Variants in VPS53 observed in about 807,000 individuals in gnomAD.
The protein encoded by VPS53 is vacuolar protein sorting-associated protein 53 homolog.
In VPS53, 70 loss-of-function variants were observed where a neutral mutation model predicts 107.0. That is an observed-to-expected ratio of 0.65 (90% CI 0.54 to 0.80). VPS53 has a LOEUF of 0.80. Among genes scored for constraint, VPS53 ranks in the 30% least tolerant of loss-of-function variants. VPS53 has a pLI of 0.00. For missense variants in VPS53, 917 were observed against 1,049.4 expected, an observed-to-expected ratio of 0.87 and a Z score of 1.74; for synonymous variants, 409 against 393.3, an observed-to-expected ratio of 1.04 and a Z score of -0.47.
At chr17:677,643 A>T (rs1972221871) in intron 4 of VPS53, among the ~76,000 whole-genome samples, 2 of 152,116 alleles carry the variant, frequency 1.3e-5, no homozygotes, top group African/African-American at 4.8e-5. Context: ...AAGGTTTAAA[A>T]AATAATGTAA....
intron 7 of VPS53, among the ~76,000 whole-genome samples, chr17:650,607 C>G (rs932167904): frequency 2.0e-5 from 3 of 152,180 alleles, no homozygotes; most frequent in Admixed American, 6.5e-5. Context: ...ACAACAATAT[C>G]AAGTGTTGCT....
intron 7 of VPS53, among the ~76,000 whole-genome samples, chr17:638,750 C>G (rs1168937112): frequency 6.6e-6 from 1 of 152,230 alleles, no homozygotes; most frequent in East Asian, 1.9e-4. Context: ...GGCCCCCACT[C>G]TCTTCTGGCT....
rs1908368929 is a variant in VPS53 at position 517,161 on chromosome 17, G to A, written c.*1967C>T. 2 of 298,124 alleles carry A rather than the reference G, an allele frequency of 6.7e-6. No homozygotes were observed. The highest frequency in any genetic ancestry group is 1.2e-5 in the Non-Finnish European group (2 of 163,366). The allele number at this position is 298,124 out of a possible 1,614,324, so 18.5% of individuals were successfully genotyped here. A position where few individuals can be genotyped will look rare whatever the true frequency, so the allele number is the denominator to read the frequency against. On this transcript the variant is annotated 3_prime_UTR_variant, in exon 22 of 22. Transcript: ENST00000437048. ...TACAGGGCTTCCTGGGGGCTCTCCC[G>A]ACTGCCGCCCCCCGCCCTTGTCTTA...
Position 518,935 on chromosome 17 carries a change from G to A in VPS53, c.*193C>T. 3.4e-6 allele frequency: 2 copies of A among 584,106 alleles called. No individual in the cohort carries two copies. Among genetic ancestry groups the A allele is most frequent in the South Asian group, 6.0e-5 (2 of 33,082 alleles). 36.2% of individuals were successfully genotyped at this position (584,106 alleles called of 1,614,324 possible). On this transcript the variant is annotated 3_prime_UTR_variant, in exon 22 of 22. Coordinates refer to ENST00000437048, the MANE Select transcript of VPS53 (RefSeq NM_001128159.3). ...ACCTAAATCGCCCTCTTAGAGCCCA[G>A]CCCTTACTCAGCGTCTCCGATTAGG...
In VPS53 at chr17:533,693, A is replaced by C. The variant is rs572440856; in HGVS notation, c.2016-782T>G. Among the ~76,000 whole-genome samples the C allele has an allele frequency of 4.6e-5, 7 of 152,214 alleles. No individual in the cohort carries two copies. The East Asian group carries it at 1.2e-3, about 25-fold the overall frequency. ...TCCACCCTCACATCTAACCTAGTTC[A>C]TTATGCTCATTTGCTTACATGTCTA... On this transcript the variant is annotated intron_variant, in intron 18 of 21. Coordinates refer to ENST00000437048, the MANE Select transcript of VPS53 (RefSeq NM_001128159.3).
chr17:565,551 T>C (rs1403776635), intron 13 of VPS53, among the ~76,000 whole-genome samples: 1 of 152,096 alleles, frequency 6.6e-6, no homozygotes, highest in African/African-American at 2.4e-5. Context: ...TCTCGTTGGT[T>C]GACCTCGGAA....
chr17:698,716 A>G (rs746901255), intron 3 of VPS53, among the ~76,000 whole-genome samples: 3 of 151,820 alleles, frequency 2.0e-5, no homozygotes, highest in Non-Finnish European at 4.4e-5. Context: ...AAAAAAACAG[A>G]AAAAAAGAAA....
At chr17:573,347 T>C (rs935166826) in intron 13 of VPS53, among the ~76,000 whole-genome samples, 2 of 152,260 alleles carry the variant, frequency 1.3e-5, no homozygotes, top group Non-Finnish European at 2.9e-5. Context: ...TAAGGACGGC[T>C]TAGCCCAACC....
intron 17 of VPS53, among the ~76,000 whole-genome samples, chr17:549,490 C>T (rs562670124): frequency 3.2e-4 from 49 of 151,210 alleles, no homozygotes; most frequent in African/African-American, 9.2e-4. Flanking sequence ...GAGGGTGGGA[C>T]GGGGCAGGGT....
intron 12 of VPS53, among the ~76,000 whole-genome samples, chr17:595,321 T>TC (rs1180401306): frequency 2.7e-5 from 1 of 37,512 alleles, no homozygotes; most frequent in African/African-American, 9.2e-5. Flanking sequence ...CACTCTAGTG[T>TC]CCCCCTGGAG....
rs749005826 is a variant in VPS53 at position 571,487 on chromosome 17, T to TTCTCCCTCTCCCTCTCCC, written c.1314-8760_1314-8743dup. 2.5e-3 allele frequency among the ~76,000 whole-genome samples: 305 copies of TTCTCCCTCTCCCTCTCCC among 119,808 alleles called. 6 individuals are homozygous for TTCTCCCTCTCCCTCTCCC. The East Asian group carries it at 0.055, about 22-fold the overall frequency. The allele number at this position is 119,808 out of a possible 152,430, so 78.6% of individuals were successfully genotyped here. ...CAATGGGCTCTCCCTCTCCCTCTCC[T>TTCTCCCTCTCCCTCTCCC]TCTCCCTCTCCCTCTCCCTACAGTC... On this transcript the variant is annotated intron_variant, in intron 13 of 21. Transcript: ENST00000437048.
intron 13 of VPS53, among the ~76,000 whole-genome samples, chr17:564,719 G>GA (rs71145752): frequency 2.7e-4 from 40 of 148,212 alleles, no homozygotes; most frequent in Middle Eastern, 3.4e-3. Flanking sequence ...TTGATATCTG[G>GA]AAAAAAAAAA....
intron 13 of VPS53, among the ~76,000 whole-genome samples, chr17:572,903 G>C (rs1914300170): frequency 6.6e-6 from 1 of 151,468 alleles, no homozygotes; most frequent in African/African-American, 2.4e-5. Context: ...GAAGGCCTCA[G>C]GGTCCTCTGC....
intron 2 of VPS53, chr17:706,120 G>A (rs575830529): frequency 6.6e-6 from 1 of 152,268 alleles, no homozygotes; most frequent in East Asian, 1.9e-4. Context: ...ATAACAAAGT[G>A]GAGTTTATCA....
At chr17:681,417 G>A (rs1208519075) in intron 4 of VPS53, among the ~76,000 whole-genome samples, 2 of 152,240 alleles carry the variant, frequency 1.3e-5, no homozygotes, top group South Asian at 2.1e-4. Flanking sequence ...TTCCAGGCGT[G>A]AGCCACTGCG....
At chr17:533,788 C>A (rs1021119987) in intron 18 of VPS53, among the ~76,000 whole-genome samples, 1 of 152,082 alleles carries the variant, frequency 6.6e-6, no homozygotes, top group African/African-American at 2.4e-5. Flanking sequence ...ACATTTAACT[C>A]TGGGTCTGAG....
chr17:560,379 A>T (rs757949692), intron 15 of VPS53, 47 bp downstream of exon 15: 1 of 1,589,876 alleles, frequency 6.3e-7, no homozygotes, highest in Non-Finnish European at 8.6e-7. Flanking sequence ...CGCAGCCCAG[A>T]GGGTTCAGGA....
Position 652,956 on chromosome 17 carries a change from T to C in VPS53, c.608+335A>G, listed in dbSNP as rs73281347. 2.7e-3 allele frequency among the ~76,000 whole-genome samples: 415 copies of C among 152,366 alleles called. 2 individuals are homozygous for C. Among genetic ancestry groups the C allele is most frequent in the African/African-American group, 9.5e-3 (394 of 41,576 alleles). ...TCCTTCACACACTAAGACTCTGCAG[T>C]GAACACGCTGAGCTAAGTGCTTAAG... On this transcript the variant is annotated intron_variant, in intron 7 of 21. Transcript: ENST00000437048.
At chr17:548,729 G>A (rs969399162) in intron 17 of VPS53, among the ~76,000 whole-genome samples, 1 of 152,254 alleles carries the variant, frequency 6.6e-6, no homozygotes, top group African/African-American at 2.4e-5. Flanking sequence ...TCTTAACTCT[G>A]TCAGTCCAAG....
Sources: gnomAD v4.1 joint callset for allele counts (sites outside exome capture counted in the v4.1 genomes callset) on GRCh38, gnomAD v4.1.1 for gene constraint, MANE v1.5 for transcripts, NCBI Gene and HGNC (gene_info 2026-07-23, HGNC 2026-07-21) for gene names.